Variants in SGCD observed in about 807,000 individuals in gnomAD.
The protein encoded by SGCD is sarcoglycan delta.
Under a neutral mutation model 36.6 loss-of-function variants are expected in SGCD, and 18 were observed. That is an observed-to-expected ratio of 0.49 (90% CI 0.34 to 0.73). The LOEUF (loss-of-function observed/expected upper bound fraction) is 0.73. Among genes scored for constraint, SGCD ranks in the 30% least tolerant of loss-of-function variants. The pLI is 0.01. For synonymous variants in SGCD, 133 were observed against 130.6 expected (o/e 1.02, Z -0.12); for missense variants, 387 against 346.7 (o/e 1.12, Z -0.92).
At chr5:156,307,367 G>A (rs764224309) in intron 3 of SGCD, among the ~76,000 whole-genome samples, 115 of 152,202 alleles carry the variant, frequency 7.6e-4, no homozygotes, top group African/African-American at 2.6e-3. Flanking sequence ...AAATGTCAAC[G>A]TATTTGTGTC....
intron 3 of SGCD, among the ~76,000 whole-genome samples, chr5:156,278,299 G>A (rs1766371249): frequency 6.6e-6 from 1 of 152,136 alleles, no homozygotes; most frequent in Non-Finnish European, 1.5e-5. Context: ...GAATGTTATT[G>A]AAGAGTGTCA....
At chr5:156,089,488 T>C (rs1298672369) in intron 1 of SGCD, among the ~76,000 whole-genome samples, 1 of 152,222 alleles carries the variant, frequency 6.6e-6, no homozygotes, top group Non-Finnish European at 1.5e-5. Flanking sequence ...TGTCCAAACC[T>C]GGAAATGACT....
chr5:156,481,225 A>G (rs567531330), intron 3 of SGCD, among the ~76,000 whole-genome samples: 2 of 152,200 alleles, frequency 1.3e-5, no homozygotes. Context: ...TCAAAAACCT[A>G]CAAGGACTGG....
At chr5:156,367,789 T>C (rs554654886) in intron 3 of SGCD, among the ~76,000 whole-genome samples, 35 of 152,290 alleles carry the variant, frequency 2.3e-4, no homozygotes, top group African/African-American at 7.9e-4. Flanking sequence ...TGCTTTCAAC[T>C]GTGGTTGTGT....
At chr5:155,880,871 C>G (rs181824665) in intron 1 of SGCD, among the ~76,000 whole-genome samples, 148 of 152,188 alleles carry the variant, frequency 9.7e-4, no homozygotes, top group African/African-American at 3.2e-3. Context: ...CCAGATCTAT[C>G]TTTCTGGTGT....
intron 3 of SGCD, among the ~76,000 whole-genome samples, chr5:156,502,538 C>T (rs1756504765): frequency 6.6e-6 from 1 of 152,036 alleles, no homozygotes; most frequent in Non-Finnish European, 1.5e-5. Context: ...TCTTGCTATG[C>T]TGCCCAGTTT....
At chr5:156,554,232 G>A (rs1758912275) in intron 4 of SGCD, among the ~76,000 whole-genome samples, 1 of 151,974 alleles carries the variant, frequency 6.6e-6, no homozygotes, top group South Asian at 2.1e-4. Flanking sequence ...GCGCACGCCT[G>A]TAATCTCAGC....
At chr5:156,557,246 G>A (rs1025400293) in intron 4 of SGCD, among the ~76,000 whole-genome samples, 3 of 152,134 alleles carry the variant, frequency 2.0e-5, no homozygotes, top group Non-Finnish European at 4.4e-5. Context: ...AGACTCCATA[G>A]CAACACCATC....
At chr5:156,318,035 G>A (rs528248607) in intron 3 of SGCD, among the ~76,000 whole-genome samples, 10 of 152,138 alleles carry the variant, frequency 6.6e-5, no homozygotes, top group Non-Finnish European at 1.3e-4. Flanking sequence ...AGTTCTCACA[G>A]AATGTCTTTC....
chr5:156,272,367 G>A (rs1766204155), intron 3 of SGCD, among the ~76,000 whole-genome samples: 1 of 152,124 alleles, frequency 6.6e-6, no homozygotes, highest in South Asian at 2.1e-4. Context: ...CCTTTCTATG[G>A]CAGAGAAATA....
At chr5:156,145,854 C>T (rs577692745) in intron 3 of SGCD, among the ~76,000 whole-genome samples, 89 of 152,110 alleles carry the variant, frequency 5.9e-4, no homozygotes, top group Non-Finnish European at 1.1e-3. Flanking sequence ...AATAATGTTT[C>T]AAATAAAAAG....
At chr5:156,348,491 A>G (rs1046597250) in intron 3 of SGCD, among the ~76,000 whole-genome samples, 6 of 152,132 alleles carry the variant, frequency 3.9e-5, no homozygotes, top group Non-Finnish European at 7.4e-5. Context: ...TAAGCACTCA[A>G]TCTCTTTTAT....
At chr5:156,079,478 C>G (rs1419495808) in intron 1 of SGCD, among the ~76,000 whole-genome samples, 1 of 152,186 alleles carries the variant, frequency 6.6e-6, no homozygotes, top group African/African-American at 2.4e-5. Context: ...AAAGTCTCAT[C>G]TGGAGACGAG....
intron 1 of SGCD, among the ~76,000 whole-genome samples, chr5:155,888,442 A>G (rs1756053899): frequency 6.6e-6 from 1 of 152,240 alleles, no homozygotes; most frequent in African/African-American, 2.4e-5. Flanking sequence ...GTAACAAAAG[A>G]AAAGCACACA....
intron 1 of SGCD, among the ~76,000 whole-genome samples, chr5:156,069,809 G>A (rs765670150): frequency 4.0e-5 from 6 of 151,870 alleles, no homozygotes; most frequent in Non-Finnish European, 8.8e-5. Flanking sequence ...ATTTTGTTGA[G>A]CAGTGGTTTG....
intron 3 of SGCD, among the ~76,000 whole-genome samples, chr5:156,195,029 G>A (rs1763989620): frequency 6.6e-6 from 1 of 152,114 alleles, no homozygotes; most frequent in African/African-American, 2.4e-5. Flanking sequence ...ATAAATCACA[G>A]AAACAGACTA....
chr5:155,968,393 T>A (rs989152323), intron 1 of SGCD, among the ~76,000 whole-genome samples: 3 of 152,142 alleles, frequency 2.0e-5, no homozygotes, highest in Admixed American at 6.6e-5. Flanking sequence ...TCATCTCCCG[T>A]TATCTGAAGT....
At position 156,056,419 on chromosome 5, in the gene SGCD, T is replaced by A. The variant is rs117246516; in HGVS notation, c.-281-61459T>A. Among the ~76,000 whole-genome samples, 271 of 144,982 alleles carry A rather than the reference T, an allele frequency of 1.9e-3. 12 individuals are homozygous for A. In the East Asian group the frequency reaches 0.044, roughly 23 times the overall value. On this transcript the variant is annotated intron_variant, in intron 1 of 9. Transcript: ENST00000517913. ...TCTCCAGTTGTTCCTATGAATAACA[T>A]CAATATTGTAGGACCTAATATCAGT...
At chr5:156,587,293 G>T (rs1282824960) in intron 4 of SGCD, among the ~76,000 whole-genome samples, 2 of 152,160 alleles carry the variant, frequency 1.3e-5, no homozygotes, top group Non-Finnish European at 2.9e-5. Flanking sequence ...GGGAGTTGTT[G>T]TGTGCTGTCT....
Sources: gnomAD v4.1 joint callset for allele counts (sites outside exome capture counted in the v4.1 genomes callset) on GRCh38, gnomAD v4.1.1 for gene constraint, MANE v1.5 for transcripts, NCBI Gene and HGNC (gene_info 2026-07-23, HGNC 2026-07-21) for gene names.